Variants in OVGP1 observed in about 807,000 individuals in gnomAD.
OVGP1 encodes the protein oviductal glycoprotein 1.
In OVGP1, 26 loss-of-function variants were observed where a neutral mutation model predicts 48.2. The observed-to-expected ratio is 0.54, with a 90% CI of 0.40 to 0.75. The LOEUF (loss-of-function observed/expected upper bound fraction) is 0.75. Ranked by LOEUF, OVGP1 falls within the 30% of genes least tolerant of loss-of-function variation. OVGP1 has a pLI of 0.00. For missense variants in OVGP1, 791 were observed against 820.6 expected (o/e 0.96, Z 0.44); for synonymous variants, 294 against 305.7 (o/e 0.96, Z 0.40).
In OVGP1 at chr1:111,416,434, A is replaced by C. The variant is rs1235607506; in HGVS notation, c.1045T>G (p.Phe349Val). 1 of 1,606,046 alleles carries C rather than the reference A, an allele frequency of 6.2e-7. No homozygotes were observed. Among genetic ancestry groups the C allele is most frequent in the South Asian group, 1.1e-5 (1 of 88,670 alleles). ...AATGTCCACACCATGGCCCCCCCAAAATGCTCTCGCCTTATAAACCATGCC... is the reference window on the plus strand; with the variant it reads ...AATGTCCACACCATGGCCCCCCCAACATGCTCTCGCCTTATAAACCATGCC... ...YKAWFIRREH[F>V]GGAMVWTLDM... The change falls in exon 10 of 11, where the codon TTT becomes GTT. Residue 349 changes from phenylalanine to valine, a missense_variant. Coordinates refer to ENST00000369732, the MANE Select transcript of OVGP1 (RefSeq NM_002557.4).
Position 111,414,614 on chromosome 1 carries a change from C to G in OVGP1, c.1887G>C (p.Gln629His). 5 of 1,614,214 alleles carry G rather than the reference C, an allele frequency of 3.1e-6. No homozygotes were observed. Among genetic ancestry groups the G allele is most frequent in the Non-Finnish European group, 4.2e-6 (5 of 1,180,038 alleles). ...RMMLSSSPVI[Q>H]LPEQTPLAFD... is the part of the protein sequence containing the mutation. The stretch of plus-strand genomic sequence containing the variant: ...AAGCTAGAGGAGTTTGTTCCGGGAG[C>G]TGGATGACGGGGCTGGAGGACAGCA... The change falls in exon 11 of 11, where the codon CAG becomes CAC. Residue 629 changes from glutamine to histidine, a missense_variant. Coordinates refer to ENST00000369732, the MANE Select transcript of OVGP1 (RefSeq NM_002557.4).
chr1:111,426,685 G>T, intron 2 of OVGP1, 44 bp from the exon 3 acceptor site: 4 of 1,593,086 alleles, frequency 2.5e-6, no homozygotes, highest in South Asian at 1.1e-5. Flanking sequence ...ACCAAGGGAG[G>T]GGATGGAGCT....
intron 9 of OVGP1, chr1:111,416,721 C>T (rs1245381301): frequency 1.8e-5 from 6 of 340,650 alleles, no homozygotes; most frequent in Non-Finnish European, 3.2e-5. Flanking sequence ...CCAAAAGATT[C>T]TTACATGCAC....
chr1:111,421,408 G>C lies in OVGP1; in HGVS notation c.771C>G (p.Ile257Met). 5 of 1,613,722 alleles carry C rather than the reference G, an allele frequency of 3.1e-6. No individual in the cohort carries two copies. The highest frequency in any genetic ancestry group is 3.4e-6 in the Non-Finnish European group (4 of 1,179,862). ...RKLGAPSEKL[I>M]MGIPTYGRTF... The stretch of plus-strand genomic sequence containing the variant: ...TACGTCCATAGGTGGGGATCCCCAT[G>C]ATGAGCTTCTCTGAGGGTGCCCCAA... Residue 257 changes from isoleucine to methionine, a missense_variant, in exon 8 of 11, where the codon ATC becomes ATG. Coordinates refer to ENST00000369732, the MANE Select transcript of OVGP1 (RefSeq NM_002557.4).
At chr1:111,421,483 ACTC>A (rs1267390864) in intron 7 of OVGP1, 22 bp from the exon 8 acceptor site, 1 of 1,607,986 alleles carries the variant, frequency 6.2e-7, no homozygotes. Flanking sequence ...AAGAATCCAG[ACTC>A]CTCCTTGTTA....
In OVGP1 at chr1:111,419,595, G is replaced by A. The variant is rs1652210864; in HGVS notation, c.1020+15C>T. On this transcript the variant is annotated intron_variant, in intron 9 of 10. Coordinates refer to ENST00000369732, the MANE Select transcript of OVGP1 (RefSeq NM_002557.4). ...GGAAACCATGTGCTGGAGCATGAAA[G>A]AGCCAGGGTCTCACCTTGTAACTGA... is the stretch of plus-strand genomic sequence containing the variant. 5 of 1,461,542 alleles carry A rather than the reference G, an allele frequency of 3.4e-6. No homozygotes were observed. Among genetic ancestry groups the A allele is most frequent in the East Asian group, 2.3e-5 (1 of 44,026 alleles). 90.5% of individuals were successfully genotyped at this position (1,461,542 alleles called of 1,614,324 possible). A position where few individuals can be genotyped will look rare whatever the true frequency, so the allele number is the denominator to read the frequency against.
intron 4 of OVGP1, 105 bp downstream of exon 4, chr1:111,425,278 C>A: frequency 7.6e-7 from 1 of 1,317,148 alleles, no homozygotes; most frequent in Non-Finnish European, 1.1e-6. Flanking sequence ...AGTATTTGCG[C>A]TAGCTTTGCT....
rs757473262 is a variant in OVGP1 at position 111,423,603 on chromosome 1, T to C, written c.423A>G (p.Leu141=). Reference sequence around the variant, plus strand: ...TGGGGCTGCCTCTTAGTCCAGGATATAAGAAGAAAAGGTCAAGACCATCAA... The same window carrying C: ...TGGGGCTGCCTCTTAGTCCAGGATACAAGAAGAAAAGGTCAAGACCATCAA... ...HDFDGLDLFF[L]YPGLRGSPMH... The change falls in exon 5 of 11, where the codon TTA becomes TTG. Residue 141 remains leucine (L), a synonymous_variant. Transcript: ENST00000369732. The C allele has an allele frequency of 3.2e-5, 52 of 1,613,974 alleles. No individual in the cohort carries two copies. In the Admixed American group the frequency reaches 6.5e-4, roughly 20 times the overall value.
chr1:111,420,082 CA>C (rs1411751876), intron 8 of OVGP1, among the ~76,000 whole-genome samples: 1 of 152,184 alleles, frequency 6.6e-6, no homozygotes, highest in Non-Finnish European at 1.5e-5. Flanking sequence ...TTTTCATAAA[CA>C]AGTCTCTCCT....
rs2101720985 is a variant in OVGP1, at chr1:111,414,908, A to G, written c.1593T>C (p.Ser531=). The change falls in exon 11 of 11, where the codon TCT becomes TCC. Residue 531 remains serine, a synonymous_variant. Coordinates refer to ENST00000369732, the MANE Select transcript of OVGP1 (RefSeq NM_002557.4). ...CAGACTGATGACTCACAGGGGTCAC[A>G]GACTGATGACCCACAGGGGTCAGGG... is the stretch of plus-strand genomic sequence containing the variant. ...EKTLTPVGHQ[S]VTPVSHQSVS... 2 of 1,460,132 alleles carry G rather than the reference A, an allele frequency of 1.4e-6. No homozygotes were observed. The highest frequency in any genetic ancestry group is 2.0e-5 in the Admixed American group (1 of 49,538). 90.4% of individuals were successfully genotyped at this position (1,460,132 alleles called of 1,614,324 possible).
chr1:111,426,874 T>A, intron 2 of OVGP1, 188 bp downstream of exon 2: 3 of 1,548,376 alleles, frequency 1.9e-6, no homozygotes, highest in Non-Finnish European at 1.7e-6. Flanking sequence ...GATTCTCAAG[T>A]CTGGACCAAG....
intron 10 of OVGP1, 129 bp from the exon 11 acceptor site, chr1:111,415,473 T>C (rs1271146239): frequency 7.9e-6 from 6 of 759,258 alleles, no homozygotes; most frequent in African/African-American, 7.1e-5. Context: ...TAAGATTTCA[T>C]ACTATACCTA....
At chr1:111,420,481 C>T (rs982173139) in intron 8 of OVGP1, among the ~76,000 whole-genome samples, 2 of 152,232 alleles carry the variant, frequency 1.3e-5, no homozygotes, top group African/African-American at 4.8e-5. Context: ...GCAGCACCTC[C>T]ACTACTGCCT....
chr1:111,416,564 G>C, intron 9 of OVGP1, 106 bp from the exon 10 acceptor site: 2 of 970,022 alleles, frequency 2.1e-6, no homozygotes, highest in South Asian at 4.6e-5. Flanking sequence ...TAGCTGGGTG[G>C]TTAGGAGTGT....
chr1:111,427,292 TTTCTTTTTGATA>T, intron 1 of OVGP1: 1 of 985,410 alleles, frequency 1.0e-6, no homozygotes, highest in Non-Finnish European at 1.2e-6. Flanking sequence ...ATAAGTTCCT[TTTCTTTTTGATA>T]AACATGTGTA....
At chr1:111,415,369 T>A (rs1652108822) in intron 10 of OVGP1, 25 bp from the exon 11 acceptor site, 4 of 1,585,688 alleles carry the variant, frequency 2.5e-6, no homozygotes, top group Non-Finnish European at 3.4e-6. Flanking sequence ...CAGAAAAGAA[T>A]GAGATTCCTA....
chr1:111,424,069 T>C (rs1264681295), intron 4 of OVGP1, among the ~76,000 whole-genome samples: 1 of 152,208 alleles, frequency 6.6e-6, no homozygotes, highest in Non-Finnish European at 1.5e-5. Flanking sequence ...ACTGCCCCTC[T>C]CTGTGCTGTC....
intron 8 of OVGP1, 68 bp from the exon 9 acceptor site, chr1:111,419,794 C>T (rs758354620): frequency 1.4e-4 from 129 of 931,024 alleles, no homozygotes; most frequent in Non-Finnish European, 2.1e-4. Context: ...GACAGTTGTT[C>T]CTTGCCCAAG....
intron 8 of OVGP1, among the ~76,000 whole-genome samples, chr1:111,420,025 G>A (rs1652224478): frequency 6.6e-6 from 1 of 151,840 alleles, no homozygotes; most frequent in African/African-American, 2.4e-5. Flanking sequence ...AAAATAGTAA[G>A]AGTAACATAC....
Sources: allele counts gnomAD v4.1 joint callset (sites outside exome capture counted in the v4.1 genomes callset), GRCh38; gene constraint gnomAD v4.1.1; transcripts MANE v1.5; gene names NCBI Gene and HGNC (gene_info 2026-07-23, HGNC 2026-07-21).